AK5: variants seen among roughly 807,000 people sequenced by gnomAD.
AK5 encodes adenylate kinase 5.
Under a neutral mutation model 69.5 loss-of-function variants are expected in AK5, and 27 were observed. That is an observed-to-expected ratio of 0.39 (90% CI 0.29 to 0.54). The LOEUF (loss-of-function observed/expected upper bound fraction) is 0.54, where lower values mean the gene tolerates loss of function less well. Ranked by LOEUF, AK5 falls within the 20% of genes least tolerant of loss-of-function variation. AK5 has a pLI of 0.71. For synonymous variants in AK5, 260 were observed against 244.4 expected (o/e 1.06, Z -0.60); for missense variants, 531 against 700.4 (o/e 0.76, Z 2.73).
chr1:77,290,432 C>G (rs1439084361), intron 2 of AK5, among the ~76,000 whole-genome samples: 1 of 152,122 alleles, frequency 6.6e-6, no homozygotes, highest in Non-Finnish European at 1.5e-5. Context: ...AAAAATTATT[C>G]TGTGAAATGA....
chr1:77,532,632 T>G (rs1380737953), intron 12 of AK5, among the ~76,000 whole-genome samples: 1 of 152,260 alleles, frequency 6.6e-6, no homozygotes, highest in Non-Finnish European at 1.5e-5. Context: ...ATGGGATGGC[T>G]GTTTGTAAAG....
chr1:77,367,589 T>TATATTTTATATATATTTTA (rs1553139773), intron 6 of AK5, among the ~76,000 whole-genome samples: 1 of 43,592 alleles, frequency 2.3e-5, no homozygotes, highest in Non-Finnish European at 4.3e-5. Flanking sequence ...AATATATATG[T>TATATTTTATATATATTTTA]TATATATGTA....
intron 6 of AK5, among the ~76,000 whole-genome samples, chr1:77,407,255 A>G (rs544883612): frequency 1.3e-5 from 2 of 152,324 alleles, no homozygotes; most frequent in East Asian, 1.9e-4. Flanking sequence ...TGAAAACTAC[A>G]ATGTCTGAGA....
At chr1:77,428,470 A>C (rs1017111382) in intron 8 of AK5, among the ~76,000 whole-genome samples, 1 of 152,058 alleles carries the variant, frequency 6.6e-6, no homozygotes. Context: ...AACCAAAAAC[A>C]CTGATGAAGG....
chr1:77,398,923 T>C (rs1287856572), intron 6 of AK5, among the ~76,000 whole-genome samples: 1 of 152,198 alleles, frequency 6.6e-6, no homozygotes, highest in Non-Finnish European at 1.5e-5. Flanking sequence ...AGAGATATTC[T>C]AAAAGTTTAT....
At position 77,395,516 on chromosome 1, in the gene AK5, G is replaced by T. The variant is rs114888666; in HGVS notation, c.892-15465G>T. ...TCCCCTTTAAGAGGAGGCTGACCAT[G>T]CCCATGGTTGCAGAGGTGAAAATAT... On this transcript the variant is annotated intron_variant, in intron 6 of 13. Transcript: ENST00000354567. Among the ~76,000 whole-genome samples, 720 of 152,288 alleles carry T rather than the reference G, an allele frequency of 4.7e-3. 5 individuals carry two copies. Among genetic ancestry groups the T allele is most frequent in the African/African-American group, 0.017 (686 of 41,538 alleles).
chr1:77,516,243 T>C (rs867703055), intron 10 of AK5, among the ~76,000 whole-genome samples: 3 of 152,144 alleles, frequency 2.0e-5, no homozygotes, highest in Non-Finnish European at 4.4e-5. Flanking sequence ...TGATCTCACG[T>C]GTACGTGGAA....
At chr1:77,475,635 A>T (rs988076374) in intron 8 of AK5, among the ~76,000 whole-genome samples, 1 of 149,738 alleles carries the variant, frequency 6.7e-6, no homozygotes, top group Non-Finnish European at 1.5e-5. Context: ...GAGACAAGCC[A>T]GTGTGCTCTG....
chr1:77,462,995 A>G (rs1475682099), intron 8 of AK5, among the ~76,000 whole-genome samples: 1 of 152,206 alleles, frequency 6.6e-6, no homozygotes, highest in South Asian at 2.1e-4. Flanking sequence ...GCAATTTAGT[A>G]CCAAATCTTT....
At chr1:77,367,337 T>A (rs571345216) in intron 6 of AK5, among the ~76,000 whole-genome samples, 7 of 150,678 alleles carry the variant, frequency 4.6e-5, no homozygotes, top group African/African-American at 1.7e-4. Flanking sequence ...ATTTCTGGTT[T>A]TTGTTTTTTG....
chr1:77,309,174 T>C (rs549417982), intron 5 of AK5, among the ~76,000 whole-genome samples: 3 of 152,054 alleles, frequency 2.0e-5, no homozygotes, highest in African/African-American at 4.8e-5. Context: ...CAAAGTACTG[T>C]GGCACACTTT....
intron 6 of AK5, among the ~76,000 whole-genome samples, chr1:77,343,594 C>T (rs1416857966): frequency 6.6e-6 from 1 of 152,140 alleles, no homozygotes; most frequent in Non-Finnish European, 1.5e-5. Context: ...CCAGCTGCAC[C>T]ACCTACCACC....
At chr1:77,534,498 C>A (rs1053772205) in intron 12 of AK5, among the ~76,000 whole-genome samples, 1 of 152,150 alleles carries the variant, frequency 6.6e-6, no homozygotes. Context: ...AACAGTGAAT[C>A]GTTAGTGAGT....
chr1:77,526,436 G>A (rs1337170436), intron 12 of AK5, among the ~76,000 whole-genome samples: 1 of 149,880 alleles, frequency 6.7e-6, no homozygotes, highest in South Asian at 2.1e-4. Context: ...CAGGTCCTGC[G>A]CATGTTTGGA....
intron 12 of AK5, among the ~76,000 whole-genome samples, chr1:77,533,806 C>T (rs1404655951): frequency 1.3e-5 from 2 of 152,114 alleles, no homozygotes; most frequent in Admixed American, 6.5e-5. Context: ...TTGGAAAAAT[C>T]GCCTGGCTGT....
At chr1:77,348,910 A>G (rs1662050240) in intron 6 of AK5, among the ~76,000 whole-genome samples, 1 of 152,210 alleles carries the variant, frequency 6.6e-6, no homozygotes, top group South Asian at 2.1e-4. Context: ...TACTGAGAAC[A>G]TGTGTAAGAA....
chr1:77,448,392 C>T (rs1652888386), intron 8 of AK5, among the ~76,000 whole-genome samples: 1 of 152,212 alleles, frequency 6.6e-6, no homozygotes, highest in South Asian at 2.1e-4. Flanking sequence ...GAAATACCCA[C>T]TCTGGGTCTC....
chr1:77,449,782 G>A (rs563958506), intron 8 of AK5, among the ~76,000 whole-genome samples: 2 of 152,124 alleles, frequency 1.3e-5, no homozygotes, highest in Non-Finnish European at 2.9e-5. Flanking sequence ...ACATGCCCTG[G>A]AGACATTTTC....
At chr1:77,407,134 A>G (rs1649711542) in intron 6 of AK5, among the ~76,000 whole-genome samples, 1 of 152,034 alleles carries the variant, frequency 6.6e-6, no homozygotes, top group Non-Finnish European at 1.5e-5. Flanking sequence ...CAAATGTTAC[A>G]ATTAACAGAG....
Sources: allele counts gnomAD v4.1 joint callset (sites outside exome capture counted in the v4.1 genomes callset), GRCh38; gene constraint gnomAD v4.1.1; transcripts MANE v1.5; gene names NCBI Gene and HGNC (gene_info 2026-07-23, HGNC 2026-07-21).